Variants in LAMA2 observed in about 807,000 individuals in gnomAD.
LAMA2 encodes the protein laminin subunit alpha 2, also known as laminin subunit alpha-2.
A neutral mutation model predicts 364.8 loss-of-function variants in LAMA2; 269 were observed. The observed-to-expected ratio is 0.74, with a 90% confidence interval of 0.67 to 0.82. LAMA2 has a LOEUF of 0.82. Among genes scored for constraint, LAMA2 ranks in the 40% least tolerant of loss-of-function variants. The pLI, the probability that LAMA2 is intolerant of heterozygous loss-of-function variation, is 0.00. For synonymous variants in LAMA2, 1,379 were observed against 1,370.6 expected (o/e 1.01, Z -0.14); for missense variants, 3,807 against 3,873.2 (o/e 0.98, Z 0.45).
intron 10 of LAMA2, among the ~76,000 whole-genome samples, chr6:129,185,912 A>T (rs543752311): frequency 2.0e-4 from 31 of 151,980 alleles, no homozygotes; most frequent in Non-Finnish European, 3.8e-4. Context: ...ATATGGTGAT[A>T]TAAGGGAATG....
intron 12 of LAMA2, among the ~76,000 whole-genome samples, chr6:129,198,265 GCTTA>G (rs1781967818): frequency 6.6e-6 from 1 of 151,696 alleles, no homozygotes; most frequent in African/African-American, 2.4e-5. Context: ...TTAATATTTA[GCTTA>G]CTTGTGAATT....
At chr6:129,205,489 TATATACACACACACACAC>T (rs1562330002) in intron 12 of LAMA2, among the ~76,000 whole-genome samples, 1 of 130,546 alleles carries the variant, frequency 7.7e-6, no homozygotes, top group African/African-American at 3.4e-5. Flanking sequence ...TATATATATA[TATATACACACACACACAC>T]ACACACACAC....
chr6:129,107,394 C>T (rs1775892437), intron 4 of LAMA2, among the ~76,000 whole-genome samples: 1 of 152,034 alleles, frequency 6.6e-6, no homozygotes, highest in African/African-American at 2.4e-5. Context: ...GCTGGCTCAG[C>T]CTGGAATGAG....
At chr6:129,413,799 G>C (rs954810946) in intron 40 of LAMA2, among the ~76,000 whole-genome samples, 4 of 152,112 alleles carry the variant, frequency 2.6e-5, no homozygotes, top group African/African-American at 9.7e-5. Context: ...TTGGAATGCA[G>C]ATATTAGGCA....
intron 30 of LAMA2, among the ~76,000 whole-genome samples, chr6:129,346,917 T>C (rs1439514683): frequency 6.6e-6 from 1 of 152,142 alleles, no homozygotes; most frequent in South Asian, 2.1e-4. Context: ...ATGTGAATGG[T>C]GTGAGCCATG....
intron 1 of LAMA2, among the ~76,000 whole-genome samples, chr6:128,895,077 A>C (rs1776680313): frequency 6.6e-6 from 1 of 152,192 alleles, no homozygotes; most frequent in Non-Finnish European, 1.5e-5. Context: ...TGCAATCAGA[A>C]AAAGCCAAAA....
intron 1 of LAMA2, among the ~76,000 whole-genome samples, chr6:128,903,466 G>A (rs1460577259): frequency 6.6e-6 from 1 of 152,120 alleles, no homozygotes; most frequent in Non-Finnish European, 1.5e-5. Flanking sequence ...GCCATTGCCT[G>A]ATTTCCTGGT....
chr6:128,934,192 C>T (rs1421069418), intron 1 of LAMA2, among the ~76,000 whole-genome samples: 2 of 152,088 alleles, frequency 1.3e-5, no homozygotes, highest in East Asian at 3.9e-4. Flanking sequence ...ATTGAAAAGA[C>T]TATTTGTTCC....
At chr6:129,027,292 C>T (rs1304188559) in intron 1 of LAMA2, among the ~76,000 whole-genome samples, 1 of 151,958 alleles carries the variant, frequency 6.6e-6, no homozygotes, top group Non-Finnish European at 1.5e-5. Context: ...TGAATGAATG[C>T]GTATGTTAGA....
chr6:129,327,768 G>A (rs573573360), intron 28 of LAMA2, among the ~76,000 whole-genome samples: 9 of 152,242 alleles, frequency 5.9e-5, no homozygotes, highest in African/African-American at 1.4e-4. Flanking sequence ...TCTAATAGTC[G>A]CAAGACATGT....
intron 2 of LAMA2, among the ~76,000 whole-genome samples, chr6:129,050,530 A>C (rs983398124): frequency 1.3e-5 from 2 of 152,206 alleles, no homozygotes; most frequent in African/African-American, 4.8e-5. Context: ...CAGAAGAGAG[A>C]GGATGGCCAC....
In LAMA2 at chr6:128,926,528, A is replaced by G. The variant is rs144630465; in HGVS notation, c.112+43171A>G. 1.9e-3 allele frequency among the ~76,000 whole-genome samples: 295 copies of G among 152,338 alleles called. 4 individuals carry two copies. The highest frequency in any genetic ancestry group is 0.016 in the Admixed American group (240 of 15,298). On this transcript the variant is annotated intron_variant, in intron 1 of 64. Coordinates refer to ENST00000421865, the MANE Select transcript of LAMA2 (RefSeq NM_000426.4). Reference sequence around the variant, plus strand: ...ACTCTAATGCTTTAGTAGGCTCTCAAACTGCTGACAGCTCAAGTGTTCTGT... The same window carrying G: ...ACTCTAATGCTTTAGTAGGCTCTCAGACTGCTGACAGCTCAAGTGTTCTGT...
At chr6:129,185,314 A>G (rs552386171) in intron 10 of LAMA2, among the ~76,000 whole-genome samples, 20 of 152,040 alleles carry the variant, frequency 1.3e-4, no homozygotes, top group Admixed American at 3.9e-4. Flanking sequence ...TGAGGAAACT[A>G]TAGCAAAAAG....
At chr6:129,458,753 T>C (rs1783097475) in intron 48 of LAMA2, among the ~76,000 whole-genome samples, 1 of 152,032 alleles carries the variant, frequency 6.6e-6, no homozygotes, top group Non-Finnish European at 1.5e-5. Flanking sequence ...ACCATAGCAG[T>C]AGGCTATACC....
chr6:129,122,502 G>A (rs2114920829), intron 4 of LAMA2, among the ~76,000 whole-genome samples: 1 of 152,264 alleles, frequency 6.6e-6, no homozygotes, highest in African/African-American at 2.4e-5. Flanking sequence ...GGAAATCTAT[G>A]GGAGACCCTG....
intron 9 of LAMA2, among the ~76,000 whole-genome samples, chr6:129,172,172 G>A (rs1177729238): frequency 1.3e-5 from 2 of 151,864 alleles, no homozygotes; most frequent in South Asian, 2.1e-4. Context: ...TCTTCTCTCA[G>A]CTCGTCAAAG....
chr6:129,446,194 A>G (rs1272578373), intron 45 of LAMA2, among the ~76,000 whole-genome samples: 3 of 151,976 alleles, frequency 2.0e-5, no homozygotes, highest in Non-Finnish European at 4.4e-5. Flanking sequence ...AAGGCCAACT[A>G]ATGGGGTTAT....
chr6:129,358,244 C>T (rs1030124175), intron 32 of LAMA2, among the ~76,000 whole-genome samples: 4 of 151,844 alleles, frequency 2.6e-5, no homozygotes, highest in Non-Finnish European at 5.9e-5. Context: ...CAACTATCAC[C>T]GTGATTCTAG....
At chr6:129,129,816 T>G (rs1002036848) in intron 4 of LAMA2, among the ~76,000 whole-genome samples, 3 of 145,736 alleles carry the variant, frequency 2.1e-5, no homozygotes, top group East Asian at 2.0e-4. Flanking sequence ...CCCAGCTACT[T>G]GGGAGGCTGA....
Sources: allele counts gnomAD v4.1 joint callset (sites outside exome capture counted in the v4.1 genomes callset), GRCh38; gene constraint gnomAD v4.1.1; transcripts MANE v1.5; gene names NCBI Gene and HGNC (gene_info 2026-07-23, HGNC 2026-07-21).